NARF: variants seen among roughly 807,000 people sequenced by gnomAD.
The protein encoded by NARF is iron-only hydrogenase-like protein 2.
In NARF, 41 loss-of-function variants were observed where a neutral mutation model predicts 48.0. The observed-to-expected ratio is 0.85, with a 90% CI of 0.66 to 1.11. The LOEUF (loss-of-function observed/expected upper bound fraction) is 1.11. Ranked by LOEUF, NARF falls within the 50% of genes least tolerant of loss-of-function variation. The pLI is 0.00. For synonymous variants in NARF, 215 were observed against 225.5 expected, an observed-to-expected ratio of 0.95 and a Z score of 0.42; for missense variants, 613 against 590.2, an observed-to-expected ratio of 1.04 and a Z score of -0.40.
chr17:82,487,012 T>C (rs1470546034), intron 10 of NARF, among the ~76,000 whole-genome samples: 1 of 152,196 alleles, frequency 6.6e-6, no homozygotes, highest in African/African-American at 2.4e-5. Flanking sequence ...CTAACACGTG[T>C]GGTGCAGGCA....
rs1244678844 is a variant in NARF at position 82,490,241 on chromosome 17, G to T, written c.*2084G>T. ...AGCTGTACCCTAGGGCTCCTCCCAGGAAAAGAGAGATGTCAACGTGGCCCA... is the reference window on the plus strand; with the variant it reads ...AGCTGTACCCTAGGGCTCCTCCCAGTAAAAGAGAGATGTCAACGTGGCCCA... On this transcript the variant is annotated 3_prime_UTR_variant, in exon 11 of 11. Coordinates refer to ENST00000309794, the MANE Select transcript of NARF (RefSeq NM_012336.4). The T allele has an allele frequency of 2.0e-5, 3 of 152,218 alleles. No homozygotes were observed. Among genetic ancestry groups the T allele is most frequent in the African/African-American group, 7.2e-5 (3 of 41,402 alleles). The allele number at this position is 152,218 out of a possible 1,614,324, so 9.4% of individuals were successfully genotyped here.
At chr17:82,473,519 C>A (rs1240106055) in intron 5 of NARF, among the ~76,000 whole-genome samples, 1 of 148,668 alleles carries the variant, frequency 6.7e-6, no homozygotes, top group Non-Finnish European at 1.5e-5. Context: ...CGGCTAATTT[C>A]TTTTTGTATT....
chr17:82,458,749 C>T lies in NARF; in HGVS notation c.-55C>T, dbSNP rs2043348412. On this transcript the variant is annotated 5_prime_UTR_variant, in exon 1 of 11. Transcript: ENST00000309794. ...GGGCGGCGGGCAGTGGTGTCCCAGT[C>T]TCCCGGTGCTTCCCTGAGGCTGAGG... The T allele has an allele frequency of 4.1e-6, 6 of 1,477,418 alleles. No individual in the cohort carries two copies. Among genetic ancestry groups the T allele is most frequent in the Non-Finnish European group, 5.4e-6 (6 of 1,120,670 alleles). The allele number at this position is 1,477,418 out of a possible 1,614,324, so 91.5% of individuals were successfully genotyped here.
intron 10 of NARF, among the ~76,000 whole-genome samples, chr17:82,486,456 C>T (rs2044098161): frequency 6.6e-6 from 1 of 152,042 alleles, no homozygotes; most frequent in South Asian, 2.1e-4. Flanking sequence ...ATGGGAGGGG[C>T]CCTTGGGCAG....
chr17:82,476,877 C>G (rs1372616880), intron 5 of NARF: 1 of 151,746 alleles, frequency 6.6e-6, no homozygotes, highest in Non-Finnish European at 1.5e-5. Context: ...ATTAGAGGCG[C>G]CTGCCACCAC....
chr17:82,464,265 G>T, intron 2 of NARF, 22 bp from the exon 3 acceptor site: 3 of 1,610,172 alleles, frequency 1.9e-6, no homozygotes, highest in Non-Finnish European at 2.5e-6. Flanking sequence ...GAATAATCAT[G>T]CTGAAACGTC....
chr17:82,479,518 A>G (rs1215244279), intron 6 of NARF, among the ~76,000 whole-genome samples: 2 of 152,022 alleles, frequency 1.3e-5, no homozygotes, highest in Non-Finnish European at 1.5e-5. Flanking sequence ...TGCGGCCCCC[A>G]GGTCCTCCCA....
Position 82,458,776 on chromosome 17 carries a change from G to A in NARF, c.-28G>A. The stretch of plus-strand genomic sequence containing the variant: ...CCCGGTGCTTCCCTGAGGCTGAGGC[G>A]CCCGGCCTCCCGCCCGCCGCGCTCC... On this transcript the variant is annotated 5_prime_UTR_variant, in exon 1 of 11. Coordinates refer to ENST00000309794, the MANE Select transcript of NARF (RefSeq NM_012336.4). 6.8e-7 allele frequency: 1 copy of A among 1,463,742 alleles called. No homozygotes were observed. Among genetic ancestry groups the A allele is most frequent in the Non-Finnish European group, 9.0e-7 (1 of 1,114,118 alleles). The allele number at this position is 1,463,742 out of a possible 1,614,324, so 90.7% of individuals were successfully genotyped here.
intron 3 of NARF, among the ~76,000 whole-genome samples, chr17:82,466,921 G>T (rs543711531): frequency 3.6e-4 from 54 of 151,858 alleles, no homozygotes; most frequent in African/African-American, 1.2e-3. Context: ...TTGAATTCCT[G>T]GCTTCAAGTG....
At chr17:82,487,795 T>TA (rs2143976366) in intron 10 of NARF, 121 bp from the exon 11 acceptor site, 35 of 444,288 alleles carry the variant, frequency 7.9e-5, no homozygotes, top group Non-Finnish European at 1.0e-4. Context: ...GCCCAATCTC[T>TA]ACAAAAAATT....
chr17:82,479,096 A>G lies in NARF; in HGVS notation c.639+178A>G, dbSNP rs2043902815. On this transcript the variant is annotated intron_variant, in intron 6 of 10. Coordinates refer to ENST00000309794, the MANE Select transcript of NARF (RefSeq NM_012336.4). The stretch of plus-strand genomic sequence containing the variant: ...CTGTTTCTCACCAACGCCCGTCTCT[A>G]TTCCTCCCTTCCTCTTACAACCTTT... 5.5e-6 allele frequency: 3 copies of G among 549,130 alleles called. 1 individual carries two copies. The South Asian group carries it at 7.3e-5, about 13-fold the overall frequency. 34.0% of individuals were successfully genotyped at this position (549,130 alleles called of 1,614,324 possible).
rs2043352683 is a variant in NARF at position 82,458,827 on chromosome 17, C to T, written c.24C>T (p.Arg8=). ...AGATGAAGTGTGAGCACTGCACGCG[C>T]AAGGTGAGCGCCGCGGGCCGGGGAG... MKCEHCT[R]KECSKKTKTD... The change falls in exon 1 of 11, where the codon CGC becomes CGT. Residue 8 remains arginine (R), a synonymous_variant. Coordinates refer to ENST00000309794, the MANE Select transcript of NARF (RefSeq NM_012336.4). The T allele has an allele frequency of 1.4e-6, 2 of 1,413,068 alleles. No homozygotes were observed. Among genetic ancestry groups the T allele is most frequent in the South Asian group, 3.2e-5 (2 of 63,344 alleles). The allele number at this position is 1,413,068 out of a possible 1,614,324, so 87.5% of individuals were successfully genotyped here.
chr17:82,485,649 C>T lies in NARF; in HGVS notation c.1124C>T (p.Ala375Val), dbSNP rs1339556122. The change falls in exon 10 of 11, where the codon GCT becomes GTT. Residue 375 changes from alanine to valine, a missense_variant. Transcript: ENST00000309794. ...CACTTTGTGGAGGTCCTCGCCTGTG[C>T]TGGAGGTGAGGCGCCAAGAGCAGCA... Reference protein sequence around the residue: ...PFHFVEVLACAGGCLNGRGQA... With the variant: ...PFHFVEVLACVGGCLNGRGQA... The T allele has an allele frequency of 2.5e-6, 4 of 1,613,824 alleles. No homozygotes were observed. The highest frequency in any genetic ancestry group is 2.5e-6 in the Non-Finnish European group (3 of 1,179,986).
chr17:82,488,624 T>C lies in NARF; in HGVS notation c.*467T>C, dbSNP rs1426623744. ...TCCTGACCTCCTGATCCACCCGCCT[T>C]GGCCTCCCAAAGTGCCAGGACTGCA... On this transcript the variant is annotated 3_prime_UTR_variant, in exon 11 of 11. Coordinates refer to ENST00000309794, the MANE Select transcript of NARF (RefSeq NM_012336.4). 8 of 161,750 alleles carry C rather than the reference T, an allele frequency of 4.9e-5. No homozygotes were observed. The highest frequency in any genetic ancestry group is 1.4e-5 in the Non-Finnish European group (1 of 72,874). The allele number at this position is 161,750 out of a possible 1,614,324, so 10.0% of individuals were successfully genotyped here. A position where few individuals can be genotyped will look rare whatever the true frequency, so the allele number is the denominator to read the frequency against.
chr17:82,473,573 G>A (rs1439581408), intron 5 of NARF, among the ~76,000 whole-genome samples: 2 of 150,098 alleles, frequency 1.3e-5, no homozygotes, highest in African/African-American at 4.9e-5. Context: ...GGATGGTCTC[G>A]ATCTCCTGAC....
At chr17:82,480,436 G>C (rs1404007885) in intron 6 of NARF, 4 of 401,884 alleles carry the variant, frequency 1.0e-5, no homozygotes, top group Non-Finnish European at 1.3e-5. Flanking sequence ...CAGCCTTCCC[G>C]GTTCTTCCAG....
chr17:82,488,295 C>G lies in NARF; in HGVS notation c.*138C>G. On this transcript the variant is annotated 3_prime_UTR_variant, in exon 11 of 11. Transcript: ENST00000309794. ...GATTACTTTGGTTTCTCCGAGTTCC[C>G]TGCTACCCCGTTTATTGGAGGCCCC... 8 of 1,351,368 alleles carry G rather than the reference C, an allele frequency of 5.9e-6. No individual in the cohort carries two copies. Among genetic ancestry groups the G allele is most frequent in the Non-Finnish European group, 7.8e-6 (8 of 1,019,710 alleles). The allele number at this position is 1,351,368 out of a possible 1,614,324, so 83.7% of individuals were successfully genotyped here. A position where few individuals can be genotyped will look rare whatever the true frequency, so the allele number is the denominator to read the frequency against.
chr17:82,466,153 T>C (rs1237328321), intron 3 of NARF, among the ~76,000 whole-genome samples: 1 of 152,180 alleles, frequency 6.6e-6, no homozygotes. Flanking sequence ...TACTAGAGAC[T>C]TAATTCTGTG....
chr17:82,487,766 A>G (rs1005817439), intron 10 of NARF, 150 bp from the exon 11 acceptor site: 4 of 785,866 alleles, frequency 5.1e-6, no homozygotes, highest in Non-Finnish European at 8.0e-6. Flanking sequence ...TGAGCAACAT[A>G]GCAACACCCG....
Sources: gnomAD v4.1 joint callset for allele counts (sites outside exome capture counted in the v4.1 genomes callset) on GRCh38, gnomAD v4.1.1 for gene constraint, MANE v1.5 for transcripts, NCBI Gene and HGNC (gene_info 2026-07-23, HGNC 2026-07-21) for gene names.